Variants in CRISPLD2 observed in about 807,000 individuals in gnomAD.
CRISPLD2 encodes cysteine-rich secretory protein LCCL domain-containing 2.
CRISPLD2 carries 47 observed loss-of-function variants against 71.1 expected under a neutral mutation model. The observed-to-expected ratio is 0.66, with a 90% CI of 0.52 to 0.84. The LOEUF is 0.84. Among genes scored for constraint, CRISPLD2 ranks in the 40% least tolerant of loss-of-function variants. CRISPLD2 has a pLI of 0.00. For missense variants in CRISPLD2, 830 were observed against 651.1 expected (o/e 1.27, Z -2.99); for synonymous variants, 317 against 250.1 (o/e 1.27, Z -2.52).
At position 84,877,457 on chromosome 16, in the gene CRISPLD2, C is replaced by G. The variant is rs896320512; in HGVS notation, c.1176C>G (p.Tyr392Ter). Residue 392 changes from tyrosine (Y) to a stop codon, truncating the protein, a stop_gained, in exon 12 of 15, where the codon TAC becomes TAG. Transcript: ENST00000262424. LOFTEE classifies it high-confidence loss of function. Reference protein sequence around the residue: ...SKVKVQDLDCYTTVAQLCPFE... With the variant: ...SKVKVQDLDC ...TCACAGTGCAGGATTTGGACTGCTACACGACCGTTGCTCAGCTGTGCCCGT... is the reference window on the plus strand; with the variant it reads ...TCACAGTGCAGGATTTGGACTGCTAGACGACCGTTGCTCAGCTGTGCCCGT... 4 of 1,613,822 alleles carry G rather than the reference C, an allele frequency of 2.5e-6. No homozygotes were observed. Among genetic ancestry groups the G allele is most frequent in the Admixed American group, 1.7e-5 (1 of 60,000 alleles).
chr16:84,877,783 G>A (rs1242624347), intron 12 of CRISPLD2, among the ~76,000 whole-genome samples: 1 of 152,180 alleles, frequency 6.6e-6, no homozygotes, highest in African/African-American at 2.4e-5. Context: ...CTGGGAGGCG[G>A]AGGTTGCAGT....
At chr16:84,828,642 C>T (rs1234198768) in intron 1 of CRISPLD2, among the ~76,000 whole-genome samples, 1 of 152,130 alleles carries the variant, frequency 6.6e-6, no homozygotes, top group Non-Finnish European at 1.5e-5. Context: ...GGAGTTATGT[C>T]CTGGGGTTTT....
intron 3 of CRISPLD2, among the ~76,000 whole-genome samples, chr16:84,846,474 G>A (rs375398854): frequency 6.6e-6 from 1 of 152,152 alleles, no homozygotes; most frequent in Non-Finnish European, 1.5e-5. Context: ...GGGTGGTCTC[G>A]AACTCCTGGC....
chr16:84,873,951 T>A lies in CRISPLD2; in HGVS notation c.1144T>A (p.Ser382Thr), dbSNP rs545712912. ...CAAACCTTCCAGCTCATTCATGGTG[T>A]CAAAAGTGAAAGGTAAGCTAGCCAG... Reference protein sequence around the residue: ...KYKPSSSFMVSKVKVQDLDCY... With the variant: ...KYKPSSSFMVTKVKVQDLDCY... The change falls in exon 11 of 15, where the codon TCA becomes ACA. Residue 382 changes from serine to threonine, a missense_variant. Transcript: ENST00000262424. 2.2e-5 allele frequency: 36 copies of A among 1,601,108 alleles called. No individual in the cohort carries two copies. The South Asian group carries it at 3.5e-4, about 16-fold the overall frequency.
At chr16:84,891,845 G>A (rs1032487009) in intron 14 of CRISPLD2, among the ~76,000 whole-genome samples, 1 of 152,226 alleles carries the variant, frequency 6.6e-6, no homozygotes, top group African/African-American at 2.4e-5. Flanking sequence ...GGGGGCTGTC[G>A]GTCTTTCTCT....
At chr16:84,870,940 C>T (rs970812155) in intron 8 of CRISPLD2, among the ~76,000 whole-genome samples, 17 of 152,148 alleles carry the variant, frequency 1.1e-4, no homozygotes, top group African/African-American at 4.1e-4. Context: ...TGCCTATAGT[C>T]CCAGCTACTC....
intron 14 of CRISPLD2, among the ~76,000 whole-genome samples, chr16:84,904,995 A>C (rs1306803893): frequency 6.6e-6 from 1 of 152,188 alleles, no homozygotes; most frequent in East Asian, 1.9e-4. Context: ...AAAAGACACC[A>C]TTAGGCCAGG....
At chr16:84,905,871 G>A (rs1341479961) in intron 14 of CRISPLD2, among the ~76,000 whole-genome samples, 2 of 151,170 alleles carry the variant, frequency 1.3e-5, no homozygotes, top group African/African-American at 4.9e-5. Flanking sequence ...CACCACATCC[G>A]GCTAATTTTT....
intron 14 of CRISPLD2, among the ~76,000 whole-genome samples, chr16:84,895,176 A>T (rs570931097): frequency 6.6e-6 from 1 of 152,296 alleles, no homozygotes; most frequent in Non-Finnish European, 1.5e-5. Flanking sequence ...TTTTATCAGT[A>T]AAGGAAGGGA....
chr16:84,896,338 C>T lies in CRISPLD2; in HGVS notation c.1439+6975C>T, dbSNP rs552436586. On this transcript the variant is annotated intron_variant, in intron 14 of 14. Transcript: ENST00000262424. ...TGCTGGGAGTACAGGTGTGAGCCAC[C>T]GTGCCCAGCCAGGATTGGAATCCTT... Among the ~76,000 whole-genome samples the T allele has an allele frequency of 1.2e-4, 19 of 152,026 alleles. No homozygotes were observed. In the South Asian group the frequency reaches 2.5e-3, roughly 20 times the overall value.
chr16:84,826,089 G>C (rs1379008440), intron 1 of CRISPLD2, among the ~76,000 whole-genome samples: 1 of 152,208 alleles, frequency 6.6e-6, no homozygotes, highest in East Asian at 1.9e-4. Flanking sequence ...AAAGCATCCT[G>C]TTATCCTAGA....
chr16:84,852,720 T>G (rs1917124579), intron 5 of CRISPLD2, among the ~76,000 whole-genome samples: 1 of 151,292 alleles, frequency 6.6e-6, no homozygotes, highest in Non-Finnish European at 1.5e-5. Flanking sequence ...GTGGGGTGGG[T>G]GTGTACACAG....
chr16:84,826,717 TG>T (rs1178184783), intron 1 of CRISPLD2, among the ~76,000 whole-genome samples: 1 of 152,198 alleles, frequency 6.6e-6, no homozygotes, highest in Admixed American at 6.5e-5. Flanking sequence ...CTCTCAGACT[TG>T]GGATGAACTG....
At chr16:84,906,530 C>A in intron 14 of CRISPLD2, 58 bp from the exon 15 acceptor site, 1 of 1,582,734 alleles carries the variant, frequency 6.3e-7, no homozygotes, top group Non-Finnish European at 8.6e-7. Context: ...CACCCAGAGT[C>A]CCTGCAGGAG....
intron 14 of CRISPLD2, among the ~76,000 whole-genome samples, chr16:84,896,080 C>T (rs1008516255): frequency 6.6e-5 from 10 of 150,848 alleles, no homozygotes; most frequent in Admixed American, 3.3e-4. Context: ...CCTCTGTTGC[C>T]CAGGCTGGGA....
At position 84,824,069 on chromosome 16, in the gene CRISPLD2, T is replaced by C. The variant is rs56294967; in HGVS notation, c.-75+3936T>C. On this transcript the variant is annotated intron_variant, in intron 1 of 14. Coordinates refer to ENST00000262424, the MANE Select transcript of CRISPLD2 (RefSeq NM_031476.4). Reference sequence around the variant, plus strand: ...TGAGACTGACTTGAGAAGAGCCTGATAACGCCTAGAGGAAACAGGCAGGGT... The same window carrying C: ...TGAGACTGACTTGAGAAGAGCCTGACAACGCCTAGAGGAAACAGGCAGGGT... 2.3e-3 allele frequency among the ~76,000 whole-genome samples: 343 copies of C among 152,018 alleles called. 2 individuals are homozygous for C. Among genetic ancestry groups the C allele is most frequent in the African/African-American group, 7.9e-3 (328 of 41,490 alleles).
At chr16:84,902,265 G>C (rs2071761811) in intron 14 of CRISPLD2, among the ~76,000 whole-genome samples, 1 of 152,104 alleles carries the variant, frequency 6.6e-6, no homozygotes. Flanking sequence ...TCCACGAACT[G>C]AGCAGCGAGG....
At chr16:84,904,886 C>T (rs1311418544) in intron 14 of CRISPLD2, among the ~76,000 whole-genome samples, 1 of 152,144 alleles carries the variant, frequency 6.6e-6, no homozygotes, top group Non-Finnish European at 1.5e-5. Flanking sequence ...TCCTTCATGA[C>T]CTTGGATGGT....
chr16:84,826,719 G>C (rs1227481634), intron 1 of CRISPLD2, among the ~76,000 whole-genome samples: 2 of 152,358 alleles, frequency 1.3e-5, no homozygotes, highest in African/African-American at 4.8e-5. Flanking sequence ...CTCAGACTTG[G>C]GATGAACTGG....
Sources: allele counts gnomAD v4.1 joint callset (sites outside exome capture counted in the v4.1 genomes callset), GRCh38; gene constraint gnomAD v4.1.1; transcripts MANE v1.5; gene names NCBI Gene and HGNC (gene_info 2026-07-23, HGNC 2026-07-21).